The following LEPR variants were observed in gnomAD, a reference collection of about 807,000 sequenced individuals.
LEPR encodes OB receptor.
In LEPR, 56 loss-of-function variants were observed where a neutral mutation model predicts 114.7. The observed-to-expected ratio is 0.49, with a 90% CI of 0.39 to 0.61. LEPR has a LOEUF of 0.61. LEPR is among the 20% of genes least tolerant of loss of function. LEPR has a pLI of 0.00. For synonymous variants in LEPR, 443 were observed against 461.4 expected, an observed-to-expected ratio of 0.96 and a Z score of 0.51; for missense variants, 1,202 against 1,352.9, an observed-to-expected ratio of 0.89 and a Z score of 1.75.
At chr1:65,622,782 A>G (rs1405156755) in intron 18 of LEPR, 124 bp from the exon 19 acceptor site, 4 of 932,450 alleles carry the variant, frequency 4.3e-6, no homozygotes, top group Non-Finnish European at 6.7e-6. Flanking sequence ...GTGAAAATGC[A>G]TCTGACCCTA....
At chr1:65,522,801 A>G (rs537680969) in intron 2 of LEPR, among the ~76,000 whole-genome samples, 1 of 150,960 alleles carries the variant, frequency 6.6e-6, no homozygotes, top group East Asian at 1.9e-4. Context: ...AGGTGATCTC[A>G]TTAATTTCCT....
At chr1:65,529,549 A>AAGGGAGGGAGGGAGGG (rs144507703) in intron 2 of LEPR, among the ~76,000 whole-genome samples, 1 of 100,032 alleles carries the variant, frequency 1.0e-5, no homozygotes, top group Non-Finnish European at 2.0e-5. Context: ...GGAAGGGAGG[A>AAGGGAGGGAGGGAGGG]AGGGAGGGAG....
intron 2 of LEPR, among the ~76,000 whole-genome samples, chr1:65,458,411 G>C (rs147512230): frequency 3.3e-5 from 5 of 152,166 alleles, no homozygotes; most frequent in Non-Finnish European, 7.4e-5. Flanking sequence ...GAAAATCTTT[G>C]TTTCCCTTTT....
intron 2 of LEPR, among the ~76,000 whole-genome samples, chr1:65,461,831 A>T (rs532161846): frequency 6.6e-6 from 1 of 152,294 alleles, no homozygotes; most frequent in East Asian, 1.9e-4. Flanking sequence ...TATTTTTGAT[A>T]TGATGTGATA....
chr1:65,628,975 G>T (rs1387260263), intron 19 of LEPR, among the ~76,000 whole-genome samples: 2 of 151,952 alleles, frequency 1.3e-5, no homozygotes, highest in African/African-American at 4.8e-5. Context: ...CTGACTTTTG[G>T]TTTTTCTGGT....
intron 2 of LEPR, among the ~76,000 whole-genome samples, chr1:65,480,045 G>A (rs1236369432): frequency 1.3e-5 from 2 of 152,112 alleles, no homozygotes; most frequent in African/African-American, 4.8e-5. Flanking sequence ...TTTAGAATGC[G>A]AGCAGTGCCT....
At chr1:65,462,979 T>G (rs1646964967) in intron 2 of LEPR, among the ~76,000 whole-genome samples, 1 of 152,226 alleles carries the variant, frequency 6.6e-6, no homozygotes, top group African/African-American at 2.4e-5. Context: ...TCTTTTGCTG[T>G]ACAGAAGCTC....
At chr1:65,424,183 C>T (rs1416397717) in intron 1 of LEPR, among the ~76,000 whole-genome samples, 6 of 152,180 alleles carry the variant, frequency 3.9e-5, no homozygotes, top group Non-Finnish European at 2.9e-5. Flanking sequence ...GTTCCTACTC[C>T]CGCAGAGACT....
At chr1:65,464,067 T>C (rs887192813) in intron 2 of LEPR, among the ~76,000 whole-genome samples, 2 of 152,220 alleles carry the variant, frequency 1.3e-5, no homozygotes, top group South Asian at 2.1e-4. Context: ...CTATGTTGAA[T>C]AGGAGTGGTG....
chr1:65,465,436 T>A (rs1010377009), intron 2 of LEPR, among the ~76,000 whole-genome samples: 12 of 152,222 alleles, frequency 7.9e-5, no homozygotes, highest in Non-Finnish European at 1.8e-4. Context: ...AGGAGTGTTT[T>A]ACTACCAATT....
chr1:65,613,311 G>T (rs1657295643), intron 14 of LEPR, among the ~76,000 whole-genome samples: 1 of 151,974 alleles, frequency 6.6e-6, no homozygotes, highest in South Asian at 2.1e-4. Flanking sequence ...TTGAGTACTG[G>T]TAAGTTCGAC....
At chr1:65,443,047 C>G (rs967503384) in intron 2 of LEPR, among the ~76,000 whole-genome samples, 2 of 152,178 alleles carry the variant, frequency 1.3e-5, no homozygotes, top group Non-Finnish European at 2.9e-5. Flanking sequence ...GATATGCCAA[C>G]TCTTACCACT....
intron 2 of LEPR, among the ~76,000 whole-genome samples, chr1:65,464,874 T>C (rs1646989926): frequency 6.6e-6 from 1 of 152,222 alleles, no homozygotes. Context: ...GGTGGTGATA[T>C]CCCTTTTATC....
chr1:65,542,753 G>C (rs1651329576), intron 2 of LEPR, among the ~76,000 whole-genome samples: 1 of 151,854 alleles, frequency 6.6e-6, no homozygotes, highest in Non-Finnish European at 1.5e-5. Context: ...TGAGAATGAT[G>C]GTTTCCAGCT....
rs774874963 is a variant in LEPR at position 65,636,740 on chromosome 1, A to G, written c.3223A>G (p.Lys1075Glu). 1 of 1,611,392 alleles carries G rather than the reference A, an allele frequency of 6.2e-7. No homozygotes were observed. The highest frequency in any genetic ancestry group is 1.3e-5 in the African/African-American group (1 of 74,782). Reference protein sequence around the residue: ...GNFPEENNDKKSIYYLGVTSI... With the variant: ...GNFPEENNDKESIYYLGVTSI... ...TTTCCCTGAAGAAAATAATGATAAAAAGTCTATCTATTATTTAGGGGTCAC... is the reference window on the plus strand; with the variant it reads ...TTTCCCTGAAGAAAATAATGATAAAGAGTCTATCTATTATTTAGGGGTCAC... Residue 1075 changes from lysine (K) to glutamate (E), a missense_variant, in exon 20 of 20, where the codon AAG becomes GAG. Transcript: ENST00000349533.
At chr1:65,512,488 T>C (rs767135889) in intron 2 of LEPR, among the ~76,000 whole-genome samples, 3 of 152,188 alleles carry the variant, frequency 2.0e-5, no homozygotes, top group Non-Finnish European at 4.4e-5. Context: ...AGCATAGTCA[T>C]GTTGCTGCGC....
In LEPR at chr1:65,432,646, C is replaced by T. The variant is rs1646502339; in HGVS notation, c.-21+7268C>T. 3 of 984,618 alleles carry T rather than the reference C, an allele frequency of 3.0e-6. No individual in the cohort carries two copies. In the South Asian group the frequency reaches 1.4e-4, roughly 46 times the overall value. The allele number at this position is 984,618 out of a possible 1,614,324, so 61.0% of individuals were successfully genotyped here. On this transcript the variant is annotated intron_variant, in intron 2 of 19. Transcript: ENST00000349533. ...CAAGCCTATAATATTTAGGCAGTTC[C>T]TCAAATTTATGAAAAGTGTTCTCAG...
chr1:65,540,611 T>G (rs1486411888), intron 2 of LEPR, among the ~76,000 whole-genome samples: 1 of 152,180 alleles, frequency 6.6e-6, no homozygotes, highest in Non-Finnish European at 1.5e-5. Flanking sequence ...CTTTATAGTC[T>G]ACAGGACCAT....
Position 65,617,567 on chromosome 1 carries a change from A to G in LEPR, c.2213-397A>G, listed in dbSNP as rs556855181. Among the ~76,000 whole-genome samples the G allele has an allele frequency of 9.2e-5, 14 of 152,346 alleles. No individual in the cohort carries two copies. The South Asian group carries it at 2.9e-3, about 32-fold the overall frequency. ...GGCATGATAGGAATTTTACCCTCAA[A>G]TGTAGAAATCCGCTGGAGGCTTTTA... On this transcript the variant is annotated intron_variant, in intron 15 of 19. Transcript: ENST00000349533.
Sources: gnomAD v4.1 joint callset for allele counts (sites outside exome capture counted in the v4.1 genomes callset) on GRCh38, gnomAD v4.1.1 for gene constraint, MANE v1.5 for transcripts, NCBI Gene and HGNC (gene_info 2026-07-23, HGNC 2026-07-21) for gene names.